KCNK10: variants seen among roughly 807,000 people sequenced by gnomAD.
The protein encoded by KCNK10 is potassium channel subfamily K member 10.
In KCNK10, 25 loss-of-function variants were observed where a neutral mutation model predicts 47.7. The observed-to-expected ratio is 0.52, with a 90% CI of 0.38 to 0.73. The LOEUF (loss-of-function observed/expected upper bound fraction) is 0.73, where lower values mean the gene tolerates loss of function less well. Among genes scored for constraint, KCNK10 ranks in the 30% least tolerant of loss-of-function variants. The pLI is 0.00. For missense variants in KCNK10, 563 were observed against 714.5 expected, an observed-to-expected ratio of 0.79 and a Z score of 2.42; for synonymous variants, 303 against 285.6, an observed-to-expected ratio of 1.06 and a Z score of -0.61.
In KCNK10 at chr14:88,180,548, G is replaced by A. The variant is rs1884311725; in HGVS notation, c.*4987C>T. The A allele has an allele frequency of 2.7e-6, 1 of 364,536 alleles. No individual in the cohort carries two copies. Among genetic ancestry groups the A allele is most frequent in the Admixed American group, 4.6e-5 (1 of 21,704 alleles). The allele number at this position is 364,536 out of a possible 1,614,324, so 22.6% of individuals were successfully genotyped here. A position where few individuals can be genotyped will look rare whatever the true frequency, so the allele number is the denominator to read the frequency against. ...TAGGTCTGCTGAATCGACGGAGCAG[G>A]AGTCCTCTCAAAATAATTTATTTTA... On this transcript the variant is annotated 3_prime_UTR_variant, in exon 7 of 7. Coordinates refer to ENST00000319231, the MANE Select transcript of KCNK10 (RefSeq NM_138317.3).
intron 2 of KCNK10, among the ~76,000 whole-genome samples, chr14:88,246,984 C>A (rs1257537166): frequency 6.6e-6 from 1 of 152,130 alleles, no homozygotes; most frequent in Non-Finnish European, 1.5e-5. Context: ...TGGTGAGGAC[C>A]TAGTACAGTG....
At chr14:88,283,079 A>G (rs396108) in intron 1 of KCNK10, among the ~76,000 whole-genome samples, 9,830 of 152,318 alleles carry the variant, frequency 0.065, 413 homozygotes, top group East Asian at 0.087. Context: ...CAACTGCTGT[A>G]TGCATCTATT....
chr14:88,195,280 A>G (rs1296825098), intron 4 of KCNK10, among the ~76,000 whole-genome samples: 2 of 152,184 alleles, frequency 1.3e-5, no homozygotes, highest in Non-Finnish European at 2.9e-5. Context: ...CTCTCTGTGC[A>G]TTAGTTTTTT....
At position 88,186,047 on chromosome 14, in the gene KCNK10, C is replaced by T. The variant is rs1268919645; in HGVS notation, c.1120G>A (p.Ala374Thr). The T allele has an allele frequency of 3.7e-6, 6 of 1,613,056 alleles. No homozygotes were observed. Among genetic ancestry groups the T allele is most frequent in the Non-Finnish European group, 3.4e-6 (4 of 1,179,956 alleles). The change falls in exon 7 of 7, where the codon GCG (alanine) becomes ACG (threonine). Residue 374 changes from alanine (A) to threonine (T), a missense_variant. Physicochemically the swap from Ala to Thr is moderately conservative, Grantham distance 58 (BLOSUM62 0). Coordinates refer to ENST00000319231, the MANE Select transcript of KCNK10 (RefSeq NM_138317.3). The surrounding 1 kb of genome is among the most constrained non-coding windows in gnomAD (Gnocchi z 5.5). ...CGCTCCATGCTGCGGATGGTGGCCG[C>T]CCGCTGCAGCTTATCGTGGATCTCC... Reference protein sequence around the residue: ...SVEIHDKLQRAATIRSMERRR... With the variant: ...SVEIHDKLQRTATIRSMERRR...
intron 1 of KCNK10, among the ~76,000 whole-genome samples, chr14:88,292,188 T>C (rs894986387): frequency 6.6e-6 from 1 of 152,142 alleles, no homozygotes; most frequent in African/African-American, 2.4e-5. Flanking sequence ...CCCTTGACTG[T>C]GGTGGAGCCA....
chr14:88,267,737 T>A (rs1174512428), intron 1 of KCNK10, among the ~76,000 whole-genome samples: 1 of 152,190 alleles, frequency 6.6e-6, no homozygotes, highest in Admixed American at 6.5e-5. Flanking sequence ...GCCACAGTTG[T>A]TCTCACCCTA....
rs1001230703 is a variant in KCNK10, at chr14:88,230,025, T to C, written c.521-2490A>G. Among the ~76,000 whole-genome samples, 71 of 152,146 alleles carry C rather than the reference T, an allele frequency of 4.7e-4. 1 individual carries two copies. The highest frequency in any genetic ancestry group is 4.6e-3 in the Admixed American group (70 of 15,272). On this transcript the variant is annotated intron_variant, in intron 3 of 6. Transcript: ENST00000319231. ...TCAGGTCATAGGCACATTCTTAATC[T>C]CTCTCCCTCACTTTCTTCATCAAAA...
chr14:88,266,836 T>C (rs1173314087), intron 1 of KCNK10, among the ~76,000 whole-genome samples: 1 of 152,116 alleles, frequency 6.6e-6, no homozygotes, highest in Non-Finnish European at 1.5e-5. Context: ...TGGAGGTGAG[T>C]GGAGGCTGGA....
chr14:88,225,344 C>G (rs1885949125), intron 4 of KCNK10, among the ~76,000 whole-genome samples: 1 of 152,182 alleles, frequency 6.6e-6, no homozygotes, highest in African/African-American at 2.4e-5. Flanking sequence ...TCTCGCCTTC[C>G]TAAAAGAATC....
intron 4 of KCNK10, among the ~76,000 whole-genome samples, chr14:88,213,845 G>A (rs1369980472): frequency 6.6e-6 from 1 of 151,668 alleles, no homozygotes; most frequent in East Asian, 1.9e-4. Context: ...CTTGAGTTTA[G>A]GACTGAGTTA....
chr14:88,319,507 C>T (rs1224962652), intron 1 of KCNK10, among the ~76,000 whole-genome samples: 3 of 152,106 alleles, frequency 2.0e-5, no homozygotes, highest in Non-Finnish European at 4.4e-5. Flanking sequence ...AAACAGAGAC[C>T]CAAACTCTGT....
At position 88,182,352 on chromosome 14, in the gene KCNK10, G is replaced by A. The variant is rs1193231904; in HGVS notation, c.*3183C>T. 6.6e-6 allele frequency: 1 copy of A among 152,264 alleles called. No homozygotes were observed. Among genetic ancestry groups the A allele is most frequent in the Non-Finnish European group, 1.5e-5 (1 of 68,024 alleles). The allele number at this position is 152,264 out of a possible 1,614,324, so 9.4% of individuals were successfully genotyped here. ...AATGGGAGTGCAGATTGGAAAGGGG[G>A]GGCTGTGCTGATGCATGTATAGAAT... On this transcript the variant is annotated 3_prime_UTR_variant, in exon 7 of 7. Transcript: ENST00000319231.
rs192493284 is a variant in KCNK10 at position 88,322,607 on chromosome 14, C to G, written c.52+140G>C. The G allele has an allele frequency of 4.3e-4, 481 of 1,130,436 alleles. 6 individuals are homozygous for G. The East Asian group carries it at 0.011, about 26-fold the overall frequency. The allele number at this position is 1,130,436 out of a possible 1,614,324, so 70.0% of individuals were successfully genotyped here. A position where few individuals can be genotyped will look rare whatever the true frequency, so the allele number is the denominator to read the frequency against. On this transcript the variant is annotated intron_variant, in intron 1 of 6. Transcript: ENST00000319231. This position sits in a 1 kb window ranked among gnomAD's most constrained non-coding sequence, Gnocchi z 4.8. ...ACCCACGCTGCCTCCGCCCTCCTCC[C>G]ACCCGCGCTGCAGTTCCCAGGCGCA...
rs748130883 is a variant in KCNK10, at chr14:88,240,689, A to G, written c.520+14T>C. 1.9e-6 allele frequency: 3 copies of G among 1,548,818 alleles called. No homozygotes were observed. The highest frequency in any genetic ancestry group is 2.2e-5 in the East Asian group (1 of 44,534). ...GACCTGCAGAGGAAGAGATATTAGCAAACAAACGGGTACCTATGGTCGTAA... is the reference window on the plus strand; with the variant it reads ...GACCTGCAGAGGAAGAGATATTAGCGAACAAACGGGTACCTATGGTCGTAA... On this transcript the variant is annotated intron_variant, in intron 3 of 6. Transcript: ENST00000319231.
rs1019876406 is a variant in KCNK10, at chr14:88,180,875, T to A, written c.*4660A>T. ...GTTCCAAAGTTTCCCTATGCAGAAT[T>A]AACAGCATCCACAATGCCACACTAA... On this transcript the variant is annotated 3_prime_UTR_variant, in exon 7 of 7. Transcript: ENST00000319231. 5 of 398,586 alleles carry A rather than the reference T, an allele frequency of 1.3e-5. No homozygotes were observed. The highest frequency in any genetic ancestry group is 2.2e-5 in the Non-Finnish European group (5 of 226,034). The allele number at this position is 398,586 out of a possible 1,614,324, so 24.7% of individuals were successfully genotyped here. A position where few individuals can be genotyped will look rare whatever the true frequency, so the allele number is the denominator to read the frequency against.
intron 2 of KCNK10, among the ~76,000 whole-genome samples, chr14:88,252,504 ATT>A (rs1407662418): frequency 6.6e-6 from 1 of 152,186 alleles, no homozygotes; most frequent in Non-Finnish European, 1.5e-5. Context: ...GGTCATGCAA[ATT>A]ACCAAGGAGA....
At chr14:88,196,320 GCT>G (rs1214947673) in intron 4 of KCNK10, among the ~76,000 whole-genome samples, 2 of 152,188 alleles carry the variant, frequency 1.3e-5, no homozygotes, top group African/African-American at 4.8e-5. Flanking sequence ...AGTTCTAAGA[GCT>G]CTCTTTTGAG....
chr14:88,227,330 A>G, intron 4 of KCNK10, 45 bp downstream of exon 4: 1 of 1,505,488 alleles, frequency 6.6e-7, no homozygotes, highest in East Asian at 2.3e-5. Context: ...GGCTAAAGCC[A>G]ACTGGATCAC....
In KCNK10 at chr14:88,263,335, G is replaced by C. The variant is rs527554757; in HGVS notation, c.269C>G (p.Thr90Ser). The C allele has an allele frequency of 1.9e-6, 3 of 1,613,944 alleles. No individual in the cohort carries two copies. The African/African-American group carries it at 4.0e-5, about 22-fold the overall frequency. The change falls in exon 2 of 7, where the codon ACT (threonine) becomes AGT (serine). Residue 90 changes from threonine to serine, a missense_variant. Thr to Ser is a moderately conservative substitution (Grantham distance 58). Transcript: ENST00000319231. ...IFVVVVVYLV[T>S]GGLVFRALEQ... ...CAATGCCCGGAAGACAAGACCGCCA[G>C]TGACAAGGTAGACCACCACAACCAC... is the stretch of plus-strand genomic sequence containing the variant.
Sources: gnomAD v4.1 joint callset for allele counts (sites outside exome capture counted in the v4.1 genomes callset) on GRCh38, gnomAD v4.1.1 for gene constraint, Gnocchi (gnomAD v3.1) non-coding constraint, MANE v1.5 for transcripts, NCBI Gene and HGNC (gene_info 2026-07-23, HGNC 2026-07-21) for gene names.